Variants in FILIP1L observed in about 807,000 individuals in gnomAD.
FILIP1L encodes the protein filamin A-interacting protein 1-like.
In FILIP1L, 55 loss-of-function variants were observed where a neutral mutation model predicts 96.6. The observed-to-expected ratio is 0.57, with a 90% CI of 0.46 to 0.71. The LOEUF (loss-of-function observed/expected upper bound fraction) is 0.71, where lower values mean the gene tolerates loss of function less well. Ranked by LOEUF, FILIP1L falls within the 30% of genes least tolerant of loss-of-function variation. The pLI, the probability that FILIP1L is intolerant of heterozygous loss-of-function variation, is 0.00. For synonymous variants in FILIP1L, 467 were observed against 473.9 expected, an observed-to-expected ratio of 0.99 and a Z score of 0.19; for missense variants, 1,304 against 1,321.2, an observed-to-expected ratio of 0.99 and a Z score of 0.20.
intron 1 of FILIP1L, among the ~76,000 whole-genome samples, chr3:99,987,560 A>C (rs1019603141): frequency 1.3e-5 from 2 of 151,864 alleles, no homozygotes; most frequent in South Asian, 4.2e-4. Flanking sequence ...AGAAAGAAAA[A>C]ATATTTAAGT....
intron 4 of FILIP1L, among the ~76,000 whole-genome samples, chr3:99,877,998 A>G (rs924704690): frequency 1.3e-5 from 2 of 151,962 alleles, no homozygotes; most frequent in African/African-American, 4.8e-5. Context: ...CATTCTTTTG[A>G]CTTGCTGGTT....
chr3:100,062,466 C>A (rs2107348441), intron 1 of FILIP1L, among the ~76,000 whole-genome samples: 1 of 152,192 alleles, frequency 6.6e-6, no homozygotes, highest in East Asian at 1.9e-4. Flanking sequence ...AACTTCATTA[C>A]TTCTCCATTA....
chr3:100,106,460 G>A (rs2066397033), intron 1 of FILIP1L, among the ~76,000 whole-genome samples: 1 of 152,126 alleles, frequency 6.6e-6, no homozygotes, highest in African/African-American at 2.4e-5. Flanking sequence ...GCAGAAATGA[G>A]GGTAATGGTG....
At chr3:99,896,763 A>G (rs1706268254) in intron 4 of FILIP1L, among the ~76,000 whole-genome samples, 1 of 152,176 alleles carries the variant, frequency 6.6e-6, no homozygotes. Context: ...ATAAGGTTCC[A>G]GAGGACTAGG....
chr3:99,863,315 G>A (rs939153152), intron 4 of FILIP1L, among the ~76,000 whole-genome samples: 7 of 152,166 alleles, frequency 4.6e-5, no homozygotes, highest in African/African-American at 1.4e-4. Context: ...GCCTCATCCC[G>A]CTGCTCACCT....
At chr3:100,061,081 T>A (rs1248527675) in intron 1 of FILIP1L, among the ~76,000 whole-genome samples, 1 of 151,820 alleles carries the variant, frequency 6.6e-6, no homozygotes. Flanking sequence ...GGCCAATAGA[T>A]GTGCACATAG....
At chr3:99,836,211 G>A (rs1312502337) in intron 5 of FILIP1L, among the ~76,000 whole-genome samples, 1 of 152,126 alleles carries the variant, frequency 6.6e-6, no homozygotes, top group Admixed American at 6.6e-5. Flanking sequence ...TTCTGGGCTT[G>A]GGGAGTAGTA....
intron 1 of FILIP1L, among the ~76,000 whole-genome samples, chr3:100,094,285 T>C: frequency 6.6e-6 from 1 of 152,182 alleles, no homozygotes; most frequent in East Asian, 1.9e-4. Context: ...ATTGGATTGT[T>C]CTTTATTGTT....
rs71907944 is a variant in FILIP1L, at chr3:100,062,093, C to CTTTTTTTTTTTTTTTTT, written c.-11+51943_-11+51959dup. On this transcript the variant is annotated intron_variant, in intron 1 of 5. Coordinates refer to ENST00000477258, the MANE Select transcript of FILIP1L (RefSeq NM_001387850.1). Reference sequence around the variant, plus strand: ...CCACTTGTGGTTATCCTGTCTTCTTCTTTTTTTTTTTTTTTTTTTTTTTTT... The same window carrying CTTTTTTTTTTTTTTTTT: ...CCACTTGTGGTTATCCTGTCTTCTTCTTTTTTTTTTTTTTTTTTTTTTTTTTTTTTTTTTTTTTTTTT... Among the ~76,000 whole-genome samples, 22 of 53,182 alleles carry CTTTTTTTTTTTTTTTTT rather than the reference C, an allele frequency of 4.1e-4. 6 individuals carry two copies. The highest frequency in any genetic ancestry group is 7.1e-4 in the African/African-American group (8 of 11,244). The allele number at this position is 53,182 out of a possible 152,430, so 34.9% of individuals were successfully genotyped here.
chr3:99,852,666 G>C (rs1227881262), intron 4 of FILIP1L, among the ~76,000 whole-genome samples: 1 of 152,022 alleles, frequency 6.6e-6, no homozygotes, highest in Non-Finnish European at 1.5e-5. Context: ...GGATGGTCTC[G>C]ATCTCCTGAC....
At chr3:99,905,180 G>A (rs1231100735) in intron 4 of FILIP1L, among the ~76,000 whole-genome samples, 1 of 152,150 alleles carries the variant, frequency 6.6e-6, no homozygotes, top group Non-Finnish European at 1.5e-5. Context: ...GCCAGGACAG[G>A]CCAACTCTTT....
At chr3:99,961,392 C>A (rs746528890) in intron 1 of FILIP1L, among the ~76,000 whole-genome samples, 1 of 152,036 alleles carries the variant, frequency 6.6e-6, no homozygotes, top group Non-Finnish European at 1.5e-5. Flanking sequence ...TTTGATCATC[C>A]CTTTATGTAT....
At chr3:99,842,356 G>A (rs1339452324) in intron 5 of FILIP1L, among the ~76,000 whole-genome samples, 1 of 152,086 alleles carries the variant, frequency 6.6e-6, no homozygotes, top group Admixed American at 6.5e-5. Context: ...GGGTGTAAGG[G>A]ATAAAAGACT....
intron 1 of FILIP1L, among the ~76,000 whole-genome samples, chr3:100,065,911 T>C (rs1200598385): frequency 6.6e-6 from 1 of 152,248 alleles, no homozygotes. Context: ...ATCAACAGCA[T>C]CACCTGGGGA....
chr3:100,113,835 AC>A (rs1259443776), intron 1 of FILIP1L, among the ~76,000 whole-genome samples: 2 of 152,170 alleles, frequency 1.3e-5, no homozygotes, highest in African/African-American at 4.8e-5. Context: ...AGTAAAACTT[AC>A]CTACTGTCAG....
At chr3:99,886,751 C>G (rs1330941202) in intron 4 of FILIP1L, among the ~76,000 whole-genome samples, 1 of 147,192 alleles carries the variant, frequency 6.8e-6, no homozygotes, top group East Asian at 2.0e-4. Flanking sequence ...GTTAGGAGTT[C>G]GAGACCAGCT....
At chr3:99,995,298 A>C (rs935557322) in intron 1 of FILIP1L, among the ~76,000 whole-genome samples, 1 of 152,222 alleles carries the variant, frequency 6.6e-6, no homozygotes, top group African/African-American at 2.4e-5. Context: ...TAAAGCTCCA[A>C]AATGATCTCC....
At position 99,848,420 on chromosome 3, in the gene FILIP1L, G is replaced by C. The variant is rs773561739; in HGVS notation, c.3256C>G (p.Pro1086Ala). The change falls in exon 5 of 6, where the codon CCA becomes GCA. Residue 1086 changes from proline to alanine, a missense_variant. Pro to Ala is a conservative substitution (Grantham distance 27). Transcript: ENST00000477258. ...SPVRPASPSA[P>A]LQDNRTQGLI... ...CCTTGAGTTCGGTTATCCTGCAGTG[G>C]TGCTGAAGGGCTGGCAGGTCTCACA... The C allele has an allele frequency of 4.5e-5, 73 of 1,614,158 alleles. 1 individual carries two copies. In the East Asian group the frequency reaches 4.7e-4, roughly 10 times the overall value.
At chr3:99,983,389 AATATATATATATAT>A (rs397990626) in intron 1 of FILIP1L, among the ~76,000 whole-genome samples, 11 of 40,798 alleles carry the variant, frequency 2.7e-4, no homozygotes, top group African/African-American at 8.2e-4. Context: ...TAAATAAATA[AATATATATATATAT>A]ATATATATAT....
Sources: gnomAD v4.1 joint callset for allele counts (sites outside exome capture counted in the v4.1 genomes callset) on GRCh38, gnomAD v4.1.1 for gene constraint, MANE v1.5 for transcripts, NCBI Gene and HGNC (gene_info 2026-07-23, HGNC 2026-07-21) for gene names.